ECHDC1: variants seen among roughly 807,000 people sequenced by gnomAD.
The protein encoded by ECHDC1 is ethylmalonyl-CoA decarboxylase 1, also known as ethylmalonyl-CoA decarboxylase.
Under a neutral mutation model 29.7 loss-of-function variants are expected in ECHDC1, and 29 were observed. The ratio of observed to expected loss-of-function variants is 0.98; its 90% CI spans 0.73 to 1.33. The LOEUF is 1.33. Among genes scored for constraint, ECHDC1 ranks in the 40% most tolerant of loss-of-function variants. The pLI is 0.00. For synonymous variants in ECHDC1, 126 were observed against 123.1 expected, an observed-to-expected ratio of 1.02 and a Z score of -0.15; for missense variants, 328 against 350.0, an observed-to-expected ratio of 0.94 and a Z score of 0.50.
At chr6:127,292,105 A>G (rs1423083354) in intron 5 of ECHDC1, among the ~76,000 whole-genome samples, 4 of 152,096 alleles carry the variant, frequency 2.6e-5, no homozygotes, top group Non-Finnish European at 4.4e-5. Flanking sequence ...TTTACATAAT[A>G]CACTAAATAT....
At chr6:127,323,288 G>A (rs1368112760) in intron 3 of ECHDC1, among the ~76,000 whole-genome samples, 1 of 151,976 alleles carries the variant, frequency 6.6e-6, no homozygotes, top group African/African-American at 2.4e-5. Flanking sequence ...CAAATGACTT[G>A]CAGGTGACAT....
chr6:127,321,405 C>G (rs1782813986), intron 3 of ECHDC1, among the ~76,000 whole-genome samples: 1 of 152,186 alleles, frequency 6.6e-6, no homozygotes, highest in African/African-American at 2.4e-5. Flanking sequence ...CTCAAAAGTC[C>G]TGAGGCCATT....
At chr6:127,298,702 T>A (rs1322370180) in intron 5 of ECHDC1, among the ~76,000 whole-genome samples, 2 of 152,192 alleles carry the variant, frequency 1.3e-5, no homozygotes, top group African/African-American at 4.8e-5. Context: ...GGTGACATCA[T>A]CGCCATTGTA....
intron 5 of ECHDC1, among the ~76,000 whole-genome samples, chr6:127,293,504 C>G (rs1265124662): frequency 6.6e-6 from 1 of 152,058 alleles, no homozygotes; most frequent in East Asian, 1.9e-4. Context: ...AAACATGGTA[C>G]AAAGAGGAGA....
chr6:127,302,998 AAC>A (rs1332885116), intron 5 of ECHDC1, among the ~76,000 whole-genome samples: 4 of 152,172 alleles, frequency 2.6e-5, no homozygotes. Context: ...TGCATTATTG[AAC>A]ACTAGTTTTC....
intron 5 of ECHDC1, among the ~76,000 whole-genome samples, chr6:127,305,795 A>T (rs1171749906): frequency 1.3e-5 from 2 of 152,158 alleles, no homozygotes; most frequent in Non-Finnish European, 2.9e-5. Context: ...TTGCAAGCCA[A>T]AAAACATAAA....
intron 5 of ECHDC1, among the ~76,000 whole-genome samples, chr6:127,298,374 CATTTTCT>C (rs1286502401): frequency 6.6e-6 from 1 of 151,884 alleles, no homozygotes; most frequent in African/African-American, 2.4e-5. Flanking sequence ...CTGAGTTTGT[CATTTTCT>C]ATTTTCTAAG....
At position 127,331,094 on chromosome 6, in the gene ECHDC1, G is replaced by T. The variant is rs1240288708; in HGVS notation, c.-2-64C>A. On this transcript the variant is annotated intron_variant, in intron 1 of 5. Transcript: ENST00000454859. ...TAGGCACTCACTTTTCTAATATTATGTGTTAATAGGCTGTAGTAATGGACC... is the reference window on the plus strand; with the variant it reads ...TAGGCACTCACTTTTCTAATATTATTTGTTAATAGGCTGTAGTAATGGACC... 9.7e-6 allele frequency: 12 copies of T among 1,236,072 alleles called. No homozygotes were observed. In the African/African-American group the frequency reaches 1.6e-4, roughly 17 times the overall value. The allele number at this position is 1,236,072 out of a possible 1,614,324, so 76.6% of individuals were successfully genotyped here.
chr6:127,331,830 C>G (rs1783984432), intron 1 of ECHDC1: 2 of 985,218 alleles, frequency 2.0e-6, no homozygotes, highest in East Asian at 1.1e-4. Context: ...TTATTCTTAC[C>G]TTCTGCAAAG....
At chr6:127,290,383 G>T in intron 5 of ECHDC1, 106 bp from the exon 6 acceptor site, 1 of 1,141,178 alleles carries the variant, frequency 8.8e-7, no homozygotes, top group Non-Finnish European at 1.2e-6. Context: ...GATCTTTATA[G>T]GTAGGTATAT....
chr6:127,310,244 T>C (rs2114604097), intron 5 of ECHDC1, among the ~76,000 whole-genome samples: 1 of 152,280 alleles, frequency 6.6e-6, no homozygotes, highest in African/African-American at 2.4e-5. Context: ...AGAGTATAAT[T>C]GGATTTTTTG....
At chr6:127,327,246 A>G in intron 2 of ECHDC1, 102 bp from the exon 3 acceptor site, 1 of 1,278,504 alleles carries the variant, frequency 7.8e-7, no homozygotes. Context: ...TAGGTCCTAT[A>G]TTTTATAAAT....
At chr6:127,299,335 T>A (rs1197197718) in intron 5 of ECHDC1, among the ~76,000 whole-genome samples, 2 of 150,822 alleles carry the variant, frequency 1.3e-5, no homozygotes, top group Admixed American at 6.6e-5. Context: ...TCCAGTGGGG[T>A]AAGATGTGGA....
At chr6:127,314,773 T>A in intron 5 of ECHDC1, 43 bp downstream of exon 5, 3 of 1,481,544 alleles carry the variant, frequency 2.0e-6, no homozygotes, top group Non-Finnish European at 2.8e-6. Flanking sequence ...TTTGAGCAAG[T>A]TAATTATATT....
chr6:127,341,589 C>A (rs1241895622), intron 1 of ECHDC1: 4 of 152,056 alleles, frequency 2.6e-5, no homozygotes, highest in Admixed American at 2.6e-4. Context: ...GTCTTGCAGC[C>A]CCACCACAAA....
intron 5 of ECHDC1, among the ~76,000 whole-genome samples, chr6:127,298,022 AAAC>A (rs1780754852): frequency 6.6e-6 from 1 of 152,224 alleles, no homozygotes; most frequent in Non-Finnish European, 1.5e-5. Context: ...AAAGAAGGAG[AAAC>A]AACAAAAACA....
intron 3 of ECHDC1, among the ~76,000 whole-genome samples, chr6:127,319,533 A>G (rs1782670376): frequency 6.6e-6 from 1 of 152,190 alleles, no homozygotes. Context: ...TAGAGATGAG[A>G]AAGATTTCAT....
intron 3 of ECHDC1, among the ~76,000 whole-genome samples, chr6:127,319,182 G>C (rs544179584): frequency 1.2e-4 from 18 of 152,156 alleles, no homozygotes; most frequent in Non-Finnish European, 1.8e-4. Context: ...GAAGTAAACG[G>C]TTAGGAGCAC....
chr6:127,337,490 C>G (rs776241829), intron 1 of ECHDC1, among the ~76,000 whole-genome samples: 11 of 152,166 alleles, frequency 7.2e-5, no homozygotes, highest in Non-Finnish European at 1.6e-4. Context: ...CCTGGAAGCA[C>G]CCCCGCTTTA....
Sources: gnomAD v4.1 joint callset for allele counts (sites outside exome capture counted in the v4.1 genomes callset) on GRCh38, gnomAD v4.1.1 for gene constraint, MANE v1.5 for transcripts, NCBI Gene and HGNC (gene_info 2026-07-23, HGNC 2026-07-21) for gene names.